Variants in HERC1 observed in about 807,000 individuals in gnomAD.
HERC1 encodes probable E3 ubiquitin-protein ligase HERC1.
A neutral mutation model predicts 554.3 loss-of-function variants in HERC1; 160 were observed. The ratio of observed to expected loss-of-function variants is 0.29; its 90% CI spans 0.25 to 0.33. The LOEUF (loss-of-function observed/expected upper bound fraction) is 0.33, where lower values mean the gene tolerates loss of function less well. Among genes scored for constraint, HERC1 ranks in the 10% least tolerant of loss-of-function variants. The probability of loss-of-function intolerance (pLI) is 1.00; values close to 1 mark genes in which losing one functional copy is unlikely to be tolerated. For synonymous variants in HERC1, 2,175 were observed against 2,131.7 expected (o/e 1.02, Z -0.56); for missense variants, 4,919 against 5,918.5 (o/e 0.83, Z 5.54).
At chr15:63,743,709 T>C (rs1484043568) in intron 12 of HERC1, among the ~76,000 whole-genome samples, 2 of 152,256 alleles carry the variant, frequency 1.3e-5, no homozygotes, top group Non-Finnish European at 2.9e-5. Flanking sequence ...GATAGGATTC[T>C]GAATTCCTTC....
Position 63,641,524 on chromosome 15 carries a change from T to G in HERC1, c.11553A>C (p.Arg3851Ser), listed in dbSNP as rs1373453704. 3.1e-6 allele frequency: 5 copies of G among 1,613,494 alleles called. No individual in the cohort carries two copies. The South Asian group carries it at 5.5e-5, about 18-fold the overall frequency. The change falls in exon 60 of 78, where the codon AGA becomes AGC. Residue 3851 changes from arginine to serine, a missense_variant. Transcript: ENST00000443617. ...TCATGGGGAGCCGCTCCAAAAATGC[T>G]CTCATGCAGGGAGCCATGTTCAATC... ...VLGLNMAPCM[R>S]AFLERLPMML...
chr15:63,701,738 T>C (rs1018330881), intron 25 of HERC1, among the ~76,000 whole-genome samples: 3 of 152,088 alleles, frequency 2.0e-5, no homozygotes, highest in Non-Finnish European at 4.4e-5. Context: ...ATAATTTCCA[T>C]CAAAATATTT....
In HERC1 at chr15:63,747,675, C is replaced by T. The variant is rs369774071; in HGVS notation, c.2354+49G>A. On this transcript the variant is annotated intron_variant, in intron 11 of 77. Transcript: ENST00000443617. Reference sequence around the variant, plus strand: ...GGAATAATTTATACACATGCACACACGCGCGCGCACACACACACACAAAGA... The same window carrying T: ...GGAATAATTTATACACATGCACACATGCGCGCGCACACACACACACAAAGA... 1,031 of 1,081,962 alleles carry T rather than the reference C, an allele frequency of 9.5e-4. 3 individuals are homozygous for T. The highest frequency in any genetic ancestry group is 3.6e-3 in the South Asian group (241 of 66,762). 67.0% of individuals were successfully genotyped at this position (1,081,962 alleles called of 1,614,324 possible).
At chr15:63,660,702 A>AC (rs2070310449) in intron 46 of HERC1, among the ~76,000 whole-genome samples, 1 of 152,124 alleles carries the variant, frequency 6.6e-6, no homozygotes, top group Admixed American at 6.5e-5. Flanking sequence ...AAAATATACC[A>AC]CATCCTTTCC....
chr15:63,760,435 CAAAAAA>C (rs34164820), intron 3 of HERC1, among the ~76,000 whole-genome samples: 5 of 91,422 alleles, frequency 5.5e-5, no homozygotes, highest in African/African-American at 1.7e-4. Context: ...AGACACCATC[CAAAAAA>C]AAAAAAAAAA....
At position 63,615,920 on chromosome 15, in the gene HERC1, T is replaced by G; in HGVS notation, c.13942A>C (p.Met4648Leu). 1 of 1,584,478 alleles carries G rather than the reference T, an allele frequency of 6.3e-7. No homozygotes were observed. Among genetic ancestry groups the G allele is most frequent in the Non-Finnish European group, 8.6e-7 (1 of 1,168,648 alleles). Reference sequence around the variant, plus strand: ...CCAACAAAAGAATCAAGAGGAATCATCTAGGAACAGAAGAAAACAGAATTT... The same window carrying G: ...CCAACAAAAGAATCAAGAGGAATCAGCTAGGAACAGAAGAAAACAGAATTT... ...SGITEESFHE[M>L]IPLDSFVGQS... Residue 4648 changes from methionine (M) to leucine (L), a missense_variant and splice_region_variant, in exon 76 of 78, where the codon ATG becomes CTG. This residue lies in a region of HERC1 where 284 missense variants were observed against 294.1 expected (regional missense o/e 0.97). Coordinates refer to ENST00000443617, the MANE Select transcript of HERC1 (RefSeq NM_003922.4).
In HERC1 at chr15:63,750,019, G is replaced by A. The variant is rs142483762; in HGVS notation, c.1903-228C>T. Among the ~76,000 whole-genome samples, 47 of 152,252 alleles carry A rather than the reference G, an allele frequency of 3.1e-4. No homozygotes were observed. The Middle Eastern group carries it at 0.01, about 33-fold the overall frequency. Reference sequence around the variant, plus strand: ...GCTGATCTGAAAATAAAAATAACTGGTCATAGAAAAAACAGAAAGGTCTTC... The same window carrying A: ...GCTGATCTGAAAATAAAAATAACTGATCATAGAAAAAACAGAAAGGTCTTC... On this transcript the variant is annotated intron_variant, in intron 8 of 77. Coordinates refer to ENST00000443617, the MANE Select transcript of HERC1 (RefSeq NM_003922.4).
intron 25 of HERC1, among the ~76,000 whole-genome samples, chr15:63,701,260 T>C (rs2072709031): frequency 6.6e-6 from 1 of 152,084 alleles, no homozygotes; most frequent in East Asian, 1.9e-4. Context: ...TTATGGGAGG[T>C]AGTCTTACAT....
chr15:63,645,078 C>T lies in HERC1; in HGVS notation c.11098G>A (p.Val3700Ile). ...LMATGCQSGL[V>I]CVWRIPQDTT... ...TCTTGAGGAATGCGCCAAACACATACTAAGCCACTCTGACAGCCACTTAAA... is the reference window on the plus strand; with the variant it reads ...TCTTGAGGAATGCGCCAAACACATATTAAGCCACTCTGACAGCCACTTAAA... The change falls in exon 57 of 78, where the codon GTA (valine) becomes ATA (isoleucine). Residue 3700 changes from valine (V) to isoleucine (I), a missense_variant. Transcript: ENST00000443617. 1.2e-6 allele frequency: 2 copies of T among 1,613,736 alleles called. No homozygotes were observed. Among genetic ancestry groups the T allele is most frequent in the Non-Finnish European group, 1.7e-6 (2 of 1,179,734 alleles).
chr15:63,782,348 G>A (rs1013467907), intron 1 of HERC1, among the ~76,000 whole-genome samples: 10 of 152,116 alleles, frequency 6.6e-5, no homozygotes, highest in Admixed American at 2.0e-4. Context: ...AAAACCTAGG[G>A]CACCTAAGAA....
At chr15:63,751,996 G>C (rs1403908817) in intron 8 of HERC1, among the ~76,000 whole-genome samples, 1 of 152,060 alleles carries the variant, frequency 6.6e-6, no homozygotes, top group Non-Finnish European at 1.5e-5. Flanking sequence ...GATGCTCAAG[G>C]GGTGTCTGTT....
Position 63,749,791 on chromosome 15 carries a change from C to T in HERC1, c.1903G>A (p.Val635Ile). The T allele has an allele frequency of 6.5e-7, 1 of 1,546,104 alleles. No homozygotes were observed. The highest frequency in any genetic ancestry group is 8.7e-7 in the Non-Finnish European group (1 of 1,148,006). ...CAAGCTCCACAGCCCCAAGCATAGA[C>T]CTGAAAAAAACAGAAATACGTTACA... Reference protein sequence around the residue: ...SSLALTSTGQVYAWGCGACLG... With the variant: ...SSLALTSTGQIYAWGCGACLG... Residue 635 changes from valine to isoleucine, a missense_variant and splice_region_variant, in exon 9 of 78, where the codon GTC becomes ATC. Val to Ile is a conservative substitution (Grantham distance 29, BLOSUM62 3). This residue lies in a region of HERC1 where 744 missense variants were observed against 1,090.0 expected (regional missense o/e 0.68). Transcript: ENST00000443617. This position sits in a 1 kb window ranked among gnomAD's most constrained non-coding sequence, Gnocchi z 4.1.
At chr15:63,696,375 T>C in intron 26 of HERC1, 36 bp from the exon 27 acceptor site, 1 of 1,466,908 alleles carries the variant, frequency 6.8e-7, no homozygotes, top group Non-Finnish European at 9.4e-7. Context: ...GTTCTTCACT[T>C]AACTCAGACA....
intron 19 of HERC1, 34 bp downstream of exon 19, chr15:63,723,148 T>C: frequency 7.5e-7 from 1 of 1,329,058 alleles, no homozygotes; most frequent in Non-Finnish European, 9.8e-7. Flanking sequence ...ATGAGCTAAC[T>C]ACAAATTTAC....
At chr15:63,736,542 A>G (rs956068701) in intron 12 of HERC1, among the ~76,000 whole-genome samples, 1 of 152,160 alleles carries the variant, frequency 6.6e-6, no homozygotes, top group African/African-American at 2.4e-5. Flanking sequence ...TCTACAATAA[A>G]TTTGACAAAC....
Position 63,612,288 on chromosome 15 carries a change from T to C in HERC1, c.14363A>G (p.Asp4788Gly). Reference sequence around the variant, plus strand: ...CATGATTTGAAATCTCTGAGAAATGTCAGCAGTGTTGGCTGGTAGTCGAGA... The same window carrying C: ...CATGATTTGAAATCTCTGAGAAATGCCAGCAGTGTTGGCTGGTAGTCGAGA... ...GRSRLPANTA[D>G]ISQRFQIMKV... The change falls in exon 77 of 78, where the codon GAC becomes GGC. Residue 4788 changes from aspartate to glycine, a missense_variant. By Grantham distance (94) the Asp-to-Gly change is moderately conservative. Around this residue, in one of 11 missense-constraint regions of HERC1, gnomAD observed 71 missense variants for 101.4 expected, o/e 0.70. Transcript: ENST00000443617. This position sits in a 1 kb window ranked among gnomAD's most constrained non-coding sequence, Gnocchi z 5.0. The C allele has an allele frequency of 6.2e-7, 1 of 1,612,496 alleles. No individual in the cohort carries two copies. The highest frequency in any genetic ancestry group is 8.5e-7 in the Non-Finnish European group (1 of 1,178,672).
chr15:63,761,011 T>C (rs1048584558), intron 3 of HERC1, among the ~76,000 whole-genome samples: 3 of 152,098 alleles, frequency 2.0e-5, no homozygotes, highest in Admixed American at 6.5e-5. Context: ...CAGAAGAGAA[T>C]GGAGTAACAT....
rs1311039651 is a variant in HERC1 at position 63,692,962 on chromosome 15, C to A, written c.5675-396G>T. 6.6e-6 allele frequency among the ~76,000 whole-genome samples: 1 copy of A among 152,012 alleles called. No homozygotes were observed. Among genetic ancestry groups the A allele is most frequent in the Non-Finnish European group, 1.5e-5 (1 of 68,008 alleles). On this transcript the variant is annotated intron_variant, in intron 30 of 77. Coordinates refer to ENST00000443617, the MANE Select transcript of HERC1 (RefSeq NM_003922.4). This position sits in a 1 kb window ranked among gnomAD's most constrained non-coding sequence, Gnocchi z 4.7. ...TTGGGAGGTCGAGGCGGGCGGATCA[C>A]TTGAGGTCAGGAGTTCAAGATCAGC...
intron 73 of HERC1, 136 bp from the exon 74 acceptor site, chr15:63,623,027 C>A: frequency 3.3e-6 from 2 of 600,940 alleles, no homozygotes; most frequent in South Asian, 4.3e-5. Context: ...CAATTTCATA[C>A]TTTATTTTTG....
Sources: gnomAD v4.1 joint callset for allele counts (sites outside exome capture counted in the v4.1 genomes callset) on GRCh38, gnomAD v4.1.1 for gene constraint, gnomAD v4.1.1 regional missense constraint, Gnocchi (gnomAD v3.1) non-coding constraint, MANE v1.5 for transcripts, NCBI Gene and HGNC (gene_info 2026-07-23, HGNC 2026-07-21) for gene names.